The following TTC27 variants were observed in gnomAD, a reference collection of about 807,000 sequenced individuals.
TTC27 encodes the protein tetratricopeptide repeat protein 27.
Under a neutral mutation model 115.9 loss-of-function variants are expected in TTC27, and 79 were observed. The observed-to-expected ratio is 0.68, with a 90% CI of 0.57 to 0.82. The LOEUF (loss-of-function observed/expected upper bound fraction) is 0.82, where lower values mean the gene tolerates loss of function less well. Ranked by LOEUF, TTC27 falls within the 40% of genes least tolerant of loss-of-function variation. The pLI is 0.00. For synonymous variants in TTC27, 401 were observed against 356.0 expected (o/e 1.13, Z -1.42); for missense variants, 1,054 against 993.1 (o/e 1.06, Z -0.82).
chr2:32,721,706 GTA>G (rs200838453), intron 10 of TTC27, among the ~76,000 whole-genome samples: 74,636 of 150,704 alleles, frequency 0.5, 18,980 homozygotes, highest in Middle Eastern at 0.68. Context: ...ACTCACTGGA[GTA>G]CAGTGGAATG....
chr2:32,638,734 A>G (rs1664521844), intron 3 of TTC27, among the ~76,000 whole-genome samples: 1 of 152,084 alleles, frequency 6.6e-6, no homozygotes, highest in African/African-American at 2.4e-5. Context: ...CAGTATTCAA[A>G]TATTTAGTAT....
At chr2:32,782,896 T>C (rs1670228923) in intron 15 of TTC27, among the ~76,000 whole-genome samples, 1 of 152,198 alleles carries the variant, frequency 6.6e-6, no homozygotes, top group African/African-American at 2.4e-5. Context: ...TGTAATAAAA[T>C]AAGAAATGTT....
At chr2:32,763,990 C>T (rs1209994520) in intron 13 of TTC27, among the ~76,000 whole-genome samples, 1 of 152,088 alleles carries the variant, frequency 6.6e-6, no homozygotes, top group African/African-American at 2.4e-5. Context: ...CCTGTTAACA[C>T]TCTACTTTTA....
chr2:32,650,360 T>C (rs1665060731), intron 5 of TTC27, 127 bp downstream of exon 5: 133 of 480,626 alleles, frequency 2.8e-4, no homozygotes, highest in African/African-American at 1.8e-3. Context: ...TTTCTTTTTT[T>C]TTTTTTTTTT....
intron 12 of TTC27, among the ~76,000 whole-genome samples, chr2:32,746,033 T>C (rs1668814171): frequency 6.6e-6 from 1 of 152,170 alleles, no homozygotes; most frequent in Non-Finnish European, 1.5e-5. Context: ...CAAAAAAAAG[T>C]ATTAAAATTA....
At chr2:32,637,486 C>T (rs1460284132) in intron 3 of TTC27, among the ~76,000 whole-genome samples, 1 of 152,026 alleles carries the variant, frequency 6.6e-6, no homozygotes, top group African/African-American at 2.4e-5. Context: ...CGCCCGCCAC[C>T]GTGCCTGGCT....
intron 13 of TTC27, among the ~76,000 whole-genome samples, chr2:32,760,645 TA>T (rs1669403953): frequency 6.6e-6 from 1 of 152,188 alleles, no homozygotes; most frequent in Non-Finnish European, 1.5e-5. Context: ...ATATTGTTTT[TA>T]AAATTTTACT....
At chr2:32,671,326 G>A (rs1206648140) in intron 7 of TTC27, among the ~76,000 whole-genome samples, 1 of 151,224 alleles carries the variant, frequency 6.6e-6, no homozygotes, top group African/African-American at 2.4e-5. Context: ...CAGTTGTTCT[G>A]ACATCATTCA....
chr2:32,699,771 C>A (rs534602321), intron 9 of TTC27, among the ~76,000 whole-genome samples: 8 of 152,300 alleles, frequency 5.3e-5, no homozygotes, highest in African/African-American at 4.8e-5. Context: ...ATGCTATTAT[C>A]CAGTTAGTTC....
intron 5 of TTC27, among the ~76,000 whole-genome samples, chr2:32,651,398 G>A (rs1462171726): frequency 6.6e-6 from 1 of 152,190 alleles, no homozygotes; most frequent in Admixed American, 6.5e-5. Flanking sequence ...CCAGGCTGGA[G>A]TGCAATGGCG....
At chr2:32,642,202 C>A (rs190780593) in intron 4 of TTC27, among the ~76,000 whole-genome samples, 1 of 150,226 alleles carries the variant, frequency 6.7e-6, no homozygotes, top group East Asian at 2.0e-4. Context: ...TTGGTCTGTG[C>A]TGTGTAAGGG....
At chr2:32,631,769 C>T (rs1341875858) in intron 2 of TTC27, among the ~76,000 whole-genome samples, 1 of 151,892 alleles carries the variant, frequency 6.6e-6, no homozygotes, top group Non-Finnish European at 1.5e-5. Flanking sequence ...AATGCTACTA[C>T]AGGCTTTTAA....
chr2:32,700,902 A>G (rs1241364429), intron 9 of TTC27, among the ~76,000 whole-genome samples: 1 of 152,098 alleles, frequency 6.6e-6, no homozygotes, highest in African/African-American at 2.4e-5. Flanking sequence ...CATTTTAAAG[A>G]ATTAGTTTTT....
At chr2:32,742,887 G>A (rs1352167801) in intron 12 of TTC27, among the ~76,000 whole-genome samples, 1 of 152,084 alleles carries the variant, frequency 6.6e-6, no homozygotes, top group African/African-American at 2.4e-5. Context: ...GTGTGTGTGT[G>A]CGCACACACT....
chr2:32,799,107 T>G (rs1031009728), intron 16 of TTC27, among the ~76,000 whole-genome samples: 3 of 152,164 alleles, frequency 2.0e-5, no homozygotes, highest in African/African-American at 7.2e-5. Flanking sequence ...TGGAGGAGGT[T>G]TATGTTAAGT....
At chr2:32,647,792 G>GTTCACCGTCTACTACCCAACACCGTCT (rs1553543895) in intron 4 of TTC27, among the ~76,000 whole-genome samples, 1 of 152,064 alleles carries the variant, frequency 6.6e-6, no homozygotes, top group Non-Finnish European at 1.5e-5. Context: ...GTGCTATGAT[G>GTTCACCGTCTACTACCCAACACCGTCT]ACTCCTGTAA....
At chr2:32,753,189 T>G (rs923626420) in intron 12 of TTC27, among the ~76,000 whole-genome samples, 1 of 152,054 alleles carries the variant, frequency 6.6e-6, no homozygotes, top group Non-Finnish European at 1.5e-5. Flanking sequence ...GCATGATGAC[T>G]ACAGGGAGTA....
intron 13 of TTC27, among the ~76,000 whole-genome samples, chr2:32,760,415 C>T (rs1303744077): frequency 2.6e-5 from 4 of 152,202 alleles, no homozygotes; most frequent in South Asian, 2.1e-4. Context: ...ACAGTGGGGA[C>T]GTGTGGGGAT....
Position 32,641,395 on chromosome 2 carries a change from TTG to T in TTC27, c.537+988_537+989del, listed in dbSNP as rs1664642645. Among the ~76,000 whole-genome samples the T allele has an allele frequency of 1.3e-5, 2 of 152,358 alleles. 1 individual carries two copies. Among genetic ancestry groups the T allele is most frequent in the South Asian group, 4.1e-4 (2 of 4,832 alleles). On this transcript the variant is annotated intron_variant, in intron 4 of 19. Transcript: ENST00000317907. ...TGACTGTCTTCCAATAAAGCTTTAT[TTG>T]TGGACACTGAAACTTACATTTTCTA...
Sources: allele counts gnomAD v4.1 joint callset (sites outside exome capture counted in the v4.1 genomes callset), GRCh38; gene constraint gnomAD v4.1.1; transcripts MANE v1.5; gene names NCBI Gene and HGNC (gene_info 2026-07-23, HGNC 2026-07-21).